Variants in OR5D16 observed in about 807,000 individuals in gnomAD.
OR5D16 encodes olfactory receptor 5D16.
For synonymous variants in OR5D16, 185 were observed against 153.2 expected, an observed-to-expected ratio of 1.21 and a Z score of -1.53; for missense variants, 477 against 385.5, an observed-to-expected ratio of 1.24 and a Z score of -1.99.
In OR5D16 at chr11:55,838,813, A is replaced by G. The variant is rs376133332; in HGVS notation, c.62A>G (p.Asp21Gly). 10 of 1,613,762 alleles carry G rather than the reference A, an allele frequency of 6.2e-6. No individual in the cohort carries two copies. In the African/African-American group the frequency reaches 1.1e-4, roughly 17 times the overall value. The change falls in exon 1 of 1, where the codon GAT becomes GGT. Residue 21 changes from aspartate to glycine, a missense_variant. By Grantham distance (94) the Asp-to-Gly change is moderately conservative. Transcript: ENST00000378396. ...EATFTLLGFS[D>G]YLELQIPLFF... Reference sequence around the variant, plus strand: ...ACATTCACTCTCTTGGGCTTCTCAGATTACCTGGAACTGCAAATTCCCCTC... The same window carrying G: ...ACATTCACTCTCTTGGGCTTCTCAGGTTACCTGGAACTGCAAATTCCCCTC...
chr11:55,839,193 G>A lies in OR5D16; in HGVS notation c.442G>A (p.Val148Ile). ...ISQKLCAMLV[V>I]VLYAWGVACS... is the part of the protein sequence containing the mutation. The stretch of plus-strand genomic sequence containing the variant: ...CCAGAAACTCTGTGCCATGCTGGTG[G>A]TTGTATTGTATGCATGGGGAGTCGC... The change falls in exon 1 of 1, where the codon GTT becomes ATT. Residue 148 changes from valine to isoleucine, a missense_variant. By Grantham distance (29) the Val-to-Ile change is conservative. Transcript: ENST00000378396. 3 of 1,613,978 alleles carry A rather than the reference G, an allele frequency of 1.9e-6. No homozygotes were observed. Among genetic ancestry groups the A allele is most frequent in the Non-Finnish European group, 2.5e-6 (3 of 1,179,966 alleles).
In OR5D16 at chr11:55,839,407, C is replaced by T; in HGVS notation, c.656C>T (p.Ser219Phe). The T allele has an allele frequency of 6.2e-7, 1 of 1,614,016 alleles. No homozygotes were observed. The highest frequency in any genetic ancestry group is 8.5e-7 in the Non-Finnish European group (1 of 1,179,910). Residue 219 changes from serine to phenylalanine, a missense_variant, in exon 1 of 1, where the codon TCT becomes TTT. Coordinates refer to ENST00000378396, the MANE Select transcript of OR5D16 (RefSeq NM_001005496.1). ...EISTLLIILT[S>F]YAFIIVTTLK... ...AGCACACTACTCATCATTCTGACAT[C>T]TTATGCATTCATCATTGTCACCACC... is the stretch of plus-strand genomic sequence containing the variant.
At position 55,839,670 on chromosome 11, in the gene OR5D16, A is replaced by C; in HGVS notation, c.919A>C (p.Ile307Leu). 1 of 1,607,228 alleles carries C rather than the reference A, an allele frequency of 6.2e-7. No individual in the cohort carries two copies. The highest frequency in any genetic ancestry group is 8.5e-7 in the Non-Finnish European group (1 of 1,173,916). Reference sequence around the variant, plus strand: ...TGTTAAGGATGCAATCCGAAAAATAATCAATACAAAATATTTTCATATTAA... The same window carrying C: ...TGTTAAGGATGCAATCCGAAAAATACTCAATACAAAATATTTTCATATTAA... The part of the protein sequence containing the change: ...KDVKDAIRKI[I>L]NTKYFHIKHR... The change falls in exon 1 of 1, where the codon ATC (isoleucine) becomes CTC (leucine). Residue 307 changes from isoleucine to leucine, a missense_variant. Ile to Leu is a conservative substitution (Grantham distance 5). Coordinates refer to ENST00000378396, the MANE Select transcript of OR5D16 (RefSeq NM_001005496.1).
chr11:55,839,662 G>T lies in OR5D16; in HGVS notation c.911G>T (p.Arg304Leu), dbSNP rs773549680. 24 of 1,610,094 alleles carry T rather than the reference G, an allele frequency of 1.5e-5. No homozygotes were observed. The highest frequency in any genetic ancestry group is 2.0e-5 in the Non-Finnish European group (23 of 1,176,862). ...AATAAAGATGTTAAGGATGCAATCC[G>T]AAAAATAATCAATACAAAATATTTT... ...LRNKDVKDAI[R>L]KIINTKYFHI... Residue 304 changes from arginine to leucine, a missense_variant, in exon 1 of 1, where the codon CGA becomes CTA. Transcript: ENST00000378396.
Position 55,839,709 on chromosome 11 carries a change from T to C in OR5D16, c.958T>C (p.Tyr320His), listed in dbSNP as rs1854069833. 1 of 1,590,012 alleles carries C rather than the reference T, an allele frequency of 6.3e-7. No individual in the cohort carries two copies. The highest frequency in any genetic ancestry group is 8.6e-7 in the Non-Finnish European group (1 of 1,161,196). Reference sequence around the variant, plus strand: ...TTTTCATATTAAACATAGGCATTGGTATCCATTTAATTTTGTTATTGAACA... The same window carrying C: ...TTTTCATATTAAACATAGGCATTGGCATCCATTTAATTTTGTTATTGAACA... ...KYFHIKHRHWYPFNFVIEQ is the reference protein window; with the variant it reads ...KYFHIKHRHWHPFNFVIEQ Residue 320 changes from tyrosine to histidine, a missense_variant, in exon 1 of 1, where the codon TAT becomes CAT. By Grantham distance (83) the Tyr-to-His change is moderately conservative. Transcript: ENST00000378396.
Position 55,839,192 on chromosome 11 carries a change from G to T in OR5D16, c.441G>T (p.Val147=), listed in dbSNP as rs1854055062. The part of the protein sequence containing the change: ...AISQKLCAML[V]VVLYAWGVAC... ...CCCAGAAACTCTGTGCCATGCTGGTGGTTGTATTGTATGCATGGGGAGTCG... is the reference window on the plus strand; with the variant it reads ...CCCAGAAACTCTGTGCCATGCTGGTTGTTGTATTGTATGCATGGGGAGTCG... The change falls in exon 1 of 1, where the codon GTG becomes GTT. Residue 147 remains valine (V), a synonymous_variant. Transcript: ENST00000378396. 6.2e-7 allele frequency: 1 copy of T among 1,613,990 alleles called. No individual in the cohort carries two copies. Among genetic ancestry groups the T allele is most frequent in the East Asian group, 2.2e-5 (1 of 44,870 alleles).
Position 55,838,873 on chromosome 11 carries a change from T to G in OR5D16, c.122T>G (p.Val41Gly). The G allele has an allele frequency of 1.2e-6, 2 of 1,614,018 alleles. No individual in the cohort carries two copies. Among genetic ancestry groups the G allele is most frequent in the Non-Finnish European group, 1.7e-6 (2 of 1,179,952 alleles). ...TTTCTGGCAGTCTACGGCTTCAGTG[T>G]GGTAGGGAATCTTGGGATGATAGTG... ...FVFLAVYGFS[V>G]VGNLGMIVII... Residue 41 changes from valine to glycine, a missense_variant, in exon 1 of 1, where the codon GTG becomes GGG. By Grantham distance (109) the Val-to-Gly change is moderately radical. Coordinates refer to ENST00000378396, the MANE Select transcript of OR5D16 (RefSeq NM_001005496.1).
In OR5D16 at chr11:55,839,442, C is replaced by G. The variant is rs368224881; in HGVS notation, c.691C>G (p.Pro231Ala). The change falls in exon 1 of 1, where the codon CCT becomes GCT. Residue 231 changes from proline to alanine, a missense_variant. Pro to Ala is a conservative substitution (Grantham distance 27). Transcript: ENST00000378396. ...AFIIVTTLKM[P>A]SASGHRKVFS... Reference sequence around the variant, plus strand: ...CATCATTGTCACCACCTTGAAGATGCCTTCAGCCAGTGGGCACCGCAAAGT... The same window carrying G: ...CATCATTGTCACCACCTTGAAGATGGCTTCAGCCAGTGGGCACCGCAAAGT... The G allele has an allele frequency of 1.2e-6, 2 of 1,614,044 alleles. No homozygotes were observed. Among genetic ancestry groups the G allele is most frequent in the Admixed American group, 1.7e-5 (1 of 59,992 alleles).
chr11:55,839,605 C>T lies in OR5D16; in HGVS notation c.854C>T (p.Pro285Leu), dbSNP rs1478355993. Residue 285 changes from proline (P) to leucine (L), a missense_variant, in exon 1 of 1, where the codon CCC (proline) becomes CTC (leucine). Coordinates refer to ENST00000378396, the MANE Select transcript of OR5D16 (RefSeq NM_001005496.1). ...VASVFYTVVI[P>L]LLNPLIYSLR... is the part of the protein sequence containing the mutation. ...TCTGTGTTTTACACCGTGGTGATCC[C>T]CTTGTTGAATCCCCTGATCTACAGT... The T allele has an allele frequency of 1.9e-6, 3 of 1,613,922 alleles. No homozygotes were observed. Among genetic ancestry groups the T allele is most frequent in the African/African-American group, 2.7e-5 (2 of 74,998 alleles).
Position 55,839,160 on chromosome 11 carries a change from G to T in OR5D16, c.409G>T (p.Ala137Ser). 3 of 1,614,036 alleles carry T rather than the reference G, an allele frequency of 1.9e-6. No individual in the cohort carries two copies. Among genetic ancestry groups the T allele is most frequent in the Non-Finnish European group, 2.5e-6 (3 of 1,179,990 alleles). ...AICNPLLYTV[A>S]ISQKLCAMLV... ...TTGCAATCCTCTGCTCTACACAGTT[G>T]CCATCTCCCAGAAACTCTGTGCCAT... The change falls in exon 1 of 1, where the codon GCC becomes TCC. Residue 137 changes from alanine to serine, a missense_variant. Coordinates refer to ENST00000378396, the MANE Select transcript of OR5D16 (RefSeq NM_001005496.1).
Position 55,838,808 on chromosome 11 carries a change from C to G in OR5D16, c.57C>G (p.Phe19Leu), listed in dbSNP as rs775042961. ...AGGCCACATTCACTCTCTTGGGCTTCTCAGATTACCTGGAACTGCAAATTC... is the reference window on the plus strand; with the variant it reads ...AGGCCACATTCACTCTCTTGGGCTTGTCAGATTACCTGGAACTGCAAATTC... ...TSEATFTLLG[F>L]SDYLELQIPL... is the part of the protein sequence containing the mutation. Residue 19 changes from phenylalanine (F) to leucine (L), a missense_variant, in exon 1 of 1, where the codon TTC becomes TTG. By Grantham distance (22) the Phe-to-Leu change is conservative. Coordinates refer to ENST00000378396, the MANE Select transcript of OR5D16 (RefSeq NM_001005496.1). The G allele has an allele frequency of 1.9e-6, 3 of 1,613,854 alleles. No individual in the cohort carries two copies. Among genetic ancestry groups the G allele is most frequent in the African/African-American group, 2.7e-5 (2 of 75,044 alleles).
In OR5D16 at chr11:55,839,652, G is replaced by T. The variant is rs1364918665; in HGVS notation, c.901G>T (p.Asp301Tyr). 1 of 1,612,478 alleles carries T rather than the reference G, an allele frequency of 6.2e-7. No homozygotes were observed. Among genetic ancestry groups the T allele is most frequent in the Non-Finnish European group, 8.5e-7 (1 of 1,178,776 alleles). ...IYSLRNKDVK[D>Y]AIRKIINTKY... ...CAGTCTGAGAAATAAAGATGTTAAGGATGCAATCCGAAAAATAATCAATAC... is the reference window on the plus strand; with the variant it reads ...CAGTCTGAGAAATAAAGATGTTAAGTATGCAATCCGAAAAATAATCAATAC... The change falls in exon 1 of 1, where the codon GAT becomes TAT. Residue 301 changes from aspartate to tyrosine, a missense_variant. Asp to Tyr is a radical substitution (Grantham distance 160). Transcript: ENST00000378396.
At position 55,839,114 on chromosome 11, in the gene OR5D16, C is replaced by A. The variant is rs751505550; in HGVS notation, c.363C>A (p.Ala121=). Residue 121 remains alanine, a synonymous_variant, in exon 1 of 1, where the codon GCC becomes GCA. Transcript: ENST00000378396. ...AATTAATTCTATTTGCGGTGATGGC[C>A]TATGACCACTTTGTGGCCATTTGCA... ...VTELILFAVM[A]YDHFVAICNP... is the part of the protein sequence containing the mutation. The A allele has an allele frequency of 1.2e-5, 20 of 1,613,976 alleles. No individual in the cohort carries two copies. The highest frequency in any genetic ancestry group is 1.5e-5 in the Non-Finnish European group (18 of 1,180,010).
At position 55,838,990 on chromosome 11, in the gene OR5D16, C is replaced by T. The variant is rs1412800422; in HGVS notation, c.239C>T (p.Ala80Val). 1.9e-6 allele frequency: 3 copies of T among 1,613,852 alleles called. No homozygotes were observed. The highest frequency in any genetic ancestry group is 2.2e-5 in the East Asian group (1 of 44,886). ...FVDFCYSSII[A>V]PMMLVNLVVE... ...GATTTCTGCTATTCCTCCATCATTG[C>T]TCCCATGATGCTGGTGAACCTGGTT... Residue 80 changes from alanine (A) to valine (V), a missense_variant, in exon 1 of 1, where the codon GCT (alanine) becomes GTT (valine). Coordinates refer to ENST00000378396, the MANE Select transcript of OR5D16 (RefSeq NM_001005496.1).
Position 55,839,298 on chromosome 11 carries a change from T to A in OR5D16, c.547T>A (p.Leu183Ile). 1.2e-6 allele frequency: 2 copies of A among 1,613,920 alleles called. No individual in the cohort carries two copies. Residue 183 changes from leucine to isoleucine, a missense_variant, in exon 1 of 1, where the codon TTA becomes ATA. Leu to Ile is a conservative substitution (Grantham distance 5, BLOSUM62 2). Transcript: ENST00000378396. ...FNTINHFFCE[L>I]SSLISLSYPD... ...CACAATCAATCATTTCTTCTGTGAG[T>A]TATCCTCCCTGATATCACTCTCTTA... is the stretch of plus-strand genomic sequence containing the variant.
Position 55,839,684 on chromosome 11 carries a change from T to C in OR5D16, c.933T>C (p.Tyr311=). 1 of 1,605,812 alleles carries C rather than the reference T, an allele frequency of 6.2e-7. No individual in the cohort carries two copies. The highest frequency in any genetic ancestry group is 1.3e-5 in the African/African-American group (1 of 74,830). ...DAIRKIINTK[Y]FHIKHRHWYP... ...TCCGAAAAATAATCAATACAAAATA[T>C]TTTCATATTAAACATAGGCATTGGT... Residue 311 remains tyrosine, a synonymous_variant, in exon 1 of 1, where the codon TAT becomes TAC. Coordinates refer to ENST00000378396, the MANE Select transcript of OR5D16 (RefSeq NM_001005496.1).
At position 55,839,302 on chromosome 11, in the gene OR5D16, C is replaced by T; in HGVS notation, c.551C>T (p.Ser184Phe). Reference protein sequence around the residue: ...NTINHFFCELSSLISLSYPDS... With the variant: ...NTINHFFCELFSLISLSYPDS... The stretch of plus-strand genomic sequence containing the variant: ...ATCAATCATTTCTTCTGTGAGTTAT[C>T]CTCCCTGATATCACTCTCTTACCCT... The change falls in exon 1 of 1, where the codon TCC becomes TTC. Residue 184 changes from serine (S) to phenylalanine (F), a missense_variant. By Grantham distance (155) the Ser-to-Phe change is radical (BLOSUM62 -2). Coordinates refer to ENST00000378396, the MANE Select transcript of OR5D16 (RefSeq NM_001005496.1). The T allele has an allele frequency of 6.2e-7, 1 of 1,613,510 alleles. No individual in the cohort carries two copies. The highest frequency in any genetic ancestry group is 8.5e-7 in the Non-Finnish European group (1 of 1,179,536).
rs1222709911 is a variant in OR5D16 at position 55,839,483 on chromosome 11, C to T, written c.732C>T (p.Ala244=). The T allele has an allele frequency of 1.2e-6, 2 of 1,614,060 alleles. No homozygotes were observed. The highest frequency in any genetic ancestry group is 1.7e-6 in the Non-Finnish European group (2 of 1,179,966). Reference sequence around the variant, plus strand: ...ACCGCAAAGTCTTCTCCACCTGTGCCTCCCACCTGACTGCCATCACCATCT... The same window carrying T: ...ACCGCAAAGTCTTCTCCACCTGTGCTTCCCACCTGACTGCCATCACCATCT... The part of the protein sequence containing the change: ...SGHRKVFSTC[A]SHLTAITIFH... The change falls in exon 1 of 1, where the codon GCC becomes GCT. Residue 244 remains alanine, a synonymous_variant. Transcript: ENST00000378396.
Position 55,839,216 on chromosome 11 carries a change from C to A in OR5D16, c.465C>A (p.Val155=). The A allele has an allele frequency of 1.2e-6, 2 of 1,613,920 alleles. No individual in the cohort carries two copies. Among genetic ancestry groups the A allele is most frequent in the Non-Finnish European group, 1.7e-6 (2 of 1,179,958 alleles). Residue 155 remains valine, a synonymous_variant, in exon 1 of 1, where the codon GTC becomes GTA. Transcript: ENST00000378396. ...TGGTTGTATTGTATGCATGGGGAGT[C>A]GCATGTTCCCTGACACTCGCGTGCT... ...MLVVVLYAWG[V]ACSLTLACSA...
Sources: allele counts gnomAD v4.1 joint callset, GRCh38; gene constraint gnomAD v4.1.1; transcripts MANE v1.5; gene names NCBI Gene and HGNC (gene_info 2026-07-23, HGNC 2026-07-21).